Variants in LARGE1 observed in about 807,000 individuals in gnomAD.
The protein encoded by LARGE1 is xylosyl- and glucuronyltransferase LARGE1.
A neutral mutation model predicts 87.6 loss-of-function variants in LARGE1; 43 were observed. The observed-to-expected ratio is 0.49, with a 90% CI of 0.38 to 0.63. LARGE1 has a LOEUF of 0.63. Among genes scored for constraint, LARGE1 ranks in the 30% least tolerant of loss-of-function variants. The pLI is 0.00. For synonymous variants in LARGE1, 434 were observed against 394.6 expected, an observed-to-expected ratio of 1.10 and a Z score of -1.18; for missense variants, 802 against 1,000.2, an observed-to-expected ratio of 0.80 and a Z score of 2.67.
At chr22:33,386,877 G>GCACA in intron 7 of LARGE1, among the ~76,000 whole-genome samples, 2 of 146,938 alleles carry the variant, frequency 1.4e-5, no homozygotes, top group South Asian at 2.4e-4. Flanking sequence ...CAAGGTGGGT[G>GCACA]GATCACTTGA....
At chr22:33,826,985 A>T (rs1327930530) in intron 1 of LARGE1, among the ~76,000 whole-genome samples, 1 of 152,176 alleles carries the variant, frequency 6.6e-6, no homozygotes, top group East Asian at 1.9e-4. Context: ...TCTGGGATGG[A>T]GGCAATTCAC....
chr22:33,076,069 G>A, the LARGE1 span, among the ~76,000 whole-genome samples: 4 of 152,100 alleles, frequency 2.6e-5, no homozygotes, highest in Non-Finnish European at 5.9e-5. Flanking sequence ...CTAAGGCAAG[G>A]GCAGTAGTAA....
At chr22:33,532,900 G>A (rs1454316722) in intron 6 of LARGE1, among the ~76,000 whole-genome samples, 1 of 152,214 alleles carries the variant, frequency 6.6e-6, no homozygotes, top group Non-Finnish European at 1.5e-5. Flanking sequence ...CTGAGAGCAT[G>A]AGCTAGTGCC....
chr22:33,166,009 A>C (rs932033444), exon 12 of LARGE1: 1 of 152,202 alleles, frequency 6.6e-6, no homozygotes, highest in African/African-American at 2.4e-5. Context: ...TAAACACTAG[A>C]TTTTGCTATT....
intron 9 of LARGE1, among the ~76,000 whole-genome samples, chr22:33,369,727 C>T (rs897413196): frequency 6.6e-6 from 1 of 152,088 alleles, no homozygotes; most frequent in Admixed American, 6.6e-5. Context: ...CATCACCACA[C>T]CCGGCTAATT....
At chr22:33,722,905 G>C (rs941336667) in intron 2 of LARGE1, among the ~76,000 whole-genome samples, 1 of 152,168 alleles carries the variant, frequency 6.6e-6, no homozygotes, top group African/African-American at 2.4e-5. Flanking sequence ...TGAGGTCGGA[G>C]CTTGGGGGTG....
intron 6 of LARGE1, among the ~76,000 whole-genome samples, chr22:33,491,523 G>A (rs1211575643): frequency 6.6e-6 from 1 of 152,214 alleles, no homozygotes; most frequent in Non-Finnish European, 1.5e-5. Context: ...ACTTCAAGGT[G>A]AGAGAAAATT....
At chr22:33,716,278 A>G (rs1425908290) in intron 2 of LARGE1, among the ~76,000 whole-genome samples, 2 of 152,206 alleles carry the variant, frequency 1.3e-5, no homozygotes, top group East Asian at 3.8e-4. Flanking sequence ...TATTTATACT[A>G]AAAAAATTGG....
chr22:33,696,475 C>A (rs947008912), intron 2 of LARGE1, among the ~76,000 whole-genome samples: 1 of 152,024 alleles, frequency 6.6e-6, no homozygotes, highest in Non-Finnish European at 1.5e-5. Flanking sequence ...GTGGGCCTGG[C>A]TGGTCTCGAG....
intron 6 of LARGE1, among the ~76,000 whole-genome samples, chr22:33,461,857 A>G (rs1043685242): frequency 3.3e-5 from 5 of 152,208 alleles, no homozygotes; most frequent in African/African-American, 1.2e-4. Context: ...AATGATGCCC[A>G]TGGCCTATAG....
chr22:33,184,561 T>C (rs1189621461), intron 11 of LARGE1, among the ~76,000 whole-genome samples: 2 of 151,446 alleles, frequency 1.3e-5, no homozygotes, highest in Non-Finnish European at 2.9e-5. Flanking sequence ...AAAATTATAA[T>C]TAATAAAACA....
intron 1 of LARGE1, among the ~76,000 whole-genome samples, chr22:33,911,437 A>C (rs2065634312): frequency 6.6e-6 from 1 of 152,142 alleles, no homozygotes; most frequent in Admixed American, 6.6e-5. Context: ...AAAGACACCA[A>C]TATGGTCGAG....
rs962643282 is a variant in LARGE1, at chr22:33,533,951, A to AT, written c.787+30896dup. 2.9e-3 allele frequency among the ~76,000 whole-genome samples: 336 copies of AT among 115,694 alleles called. 1 individual carries two copies. The highest frequency in any genetic ancestry group is 9.4e-3 in the African/African-American group (286 of 30,378). 75.9% of individuals were successfully genotyped at this position (115,694 alleles called of 152,430 possible). On this transcript the variant is annotated intron_variant, in intron 6 of 14. Transcript: ENST00000397394. ...TTGACTGTTTCCTATCCATTTCTTT[A>AT]TTTTTTTTTTCATTTTGTCAAAACT...
At chr22:33,393,841 C>T (rs2065620026) in intron 7 of LARGE1, among the ~76,000 whole-genome samples, 1 of 152,166 alleles carries the variant, frequency 6.6e-6, no homozygotes, top group Non-Finnish European at 1.5e-5. Flanking sequence ...GTGCTGGGAG[C>T]ACAGAGACCA....
chr22:33,484,845 AATTGTCACT>A (rs1408627791), intron 6 of LARGE1, among the ~76,000 whole-genome samples: 1 of 151,544 alleles, frequency 6.6e-6, no homozygotes, highest in African/African-American at 2.4e-5. Context: ...CTATTGCCAC[AATTGTCACT>A]ATTGTCACTT....
At chr22:33,863,685 T>C (rs988810828) in intron 1 of LARGE1, among the ~76,000 whole-genome samples, 2 of 151,950 alleles carry the variant, frequency 1.3e-5, no homozygotes, top group South Asian at 2.1e-4. Flanking sequence ...GGAGAATCAC[T>C]TGAACCCAGG....
In LARGE1 at chr22:33,492,920, C is replaced by A. The variant is rs529025238; in HGVS notation, c.788-60655G>T. On this transcript the variant is annotated intron_variant, in intron 6 of 14. Transcript: ENST00000397394. ...AAATGCGGGCGGCGGGTGGGCAATG[C>A]GCACCCTGTTTTGAAAGGCAACATA... Among the ~76,000 whole-genome samples the A allele has an allele frequency of 4.6e-5, 7 of 152,230 alleles. No individual in the cohort carries two copies. The South Asian group carries it at 1.5e-3, about 32-fold the overall frequency.
intron 5 of LARGE1, among the ~76,000 whole-genome samples, chr22:33,598,682 G>A (rs1410543775): frequency 6.6e-6 from 1 of 152,138 alleles, no homozygotes; most frequent in East Asian, 1.9e-4. Context: ...CTTCATCCAT[G>A]TTCCTACAAA....
At chr22:33,094,093 G>A in the LARGE1 span, among the ~76,000 whole-genome samples, 4 of 151,954 alleles carry the variant, frequency 2.6e-5, no homozygotes, top group Middle Eastern at 3.2e-3. Context: ...TTAGTTCAAA[G>A]TACTCAGCTT....
Sources: gnomAD v4.1 joint callset for allele counts (sites outside exome capture counted in the v4.1 genomes callset) on GRCh38, gnomAD v4.1.1 for gene constraint, MANE v1.5 for transcripts, NCBI Gene and HGNC (gene_info 2026-07-23, HGNC 2026-07-21) for gene names.